Variants in GUCY2F observed in about 807,000 individuals in gnomAD.
GUCY2F encodes retinal guanylyl cyclase 2.
In GUCY2F, 61 loss-of-function variants were observed where a neutral mutation model predicts 73.1. The observed-to-expected ratio is 0.83, with a 90% CI of 0.68 to 1.03. The LOEUF is 1.03. Ranked by LOEUF, GUCY2F falls within the 50% of genes least tolerant of loss-of-function variation. The probability of loss-of-function intolerance (pLI) is 0.00; values close to 1 mark genes in which losing one functional copy is unlikely to be tolerated. For synonymous variants in GUCY2F, 331 were observed against 307.8 expected (o/e 1.08, Z -0.79); for missense variants, 912 against 854.3 (o/e 1.07, Z -0.84).
chrX:109,379,975 C>A (rs1164653816), intron 17 of GUCY2F, among the ~76,000 whole-genome samples: 1 of 111,778 alleles, frequency 8.9e-6, no homozygotes, highest in Non-Finnish European at 1.9e-5. Context: ...ACTCAACTGC[C>A]CTATGTTCTC....
At chrX:109,393,947 A>G (rs1369543162) in intron 12 of GUCY2F, among the ~76,000 whole-genome samples, 2 of 112,157 alleles carry the variant, frequency 1.8e-5, no homozygotes, top group Admixed American at 9.4e-5. Flanking sequence ...CTAGCACCCA[A>G]TGCCCCAAGG....
At chrX:109,441,738 G>A (rs770141756) in intron 6 of GUCY2F, among the ~76,000 whole-genome samples, 1 of 108,968 alleles carries the variant, frequency 9.2e-6, no homozygotes, top group Non-Finnish European at 1.9e-5. Context: ...ATACAGATGG[G>A]GGCAAGAAAG....
At chrX:109,404,131 G>A (rs757703450) in intron 10 of GUCY2F, among the ~76,000 whole-genome samples, 197 bp downstream of exon 10, 1 of 112,389 alleles carries the variant, frequency 8.9e-6, no homozygotes, top group Admixed American at 9.4e-5. Context: ...TTATTACACT[G>A]GCTTTGTTCA....
intron 7 of GUCY2F, among the ~76,000 whole-genome samples, chrX:109,435,554 A>G (rs1477631199): frequency 1.8e-5 from 2 of 110,615 alleles, no homozygotes; most frequent in Non-Finnish European, 3.8e-5. Context: ...TTCTAGATAT[A>G]CAATCATGCC....
intron 8 of GUCY2F, among the ~76,000 whole-genome samples, chrX:109,421,984 C>T (rs1931381342): frequency 9.0e-6 from 1 of 111,553 alleles, no homozygotes; most frequent in Non-Finnish European, 1.9e-5. Flanking sequence ...AGGCACAAGA[C>T]ACTGTATCAT....
intron 3 of GUCY2F, among the ~76,000 whole-genome samples, chrX:109,461,978 T>C (rs749792131): frequency 1.8e-5 from 2 of 112,596 alleles, no homozygotes; most frequent in African/African-American, 6.5e-5. Context: ...ATGCCATTTA[T>C]AATTTTGAAA....
chrX:109,455,574 T>C lies in GUCY2F; in HGVS notation c.1033-1715A>G, dbSNP rs377091686. On this transcript the variant is annotated intron_variant, in intron 3 of 19. Transcript: ENST00000218006. ...TCTGAACTCCTGTGAAAATTCCTAA[T>C]ACTTGGTATAGTTCAGGGACAAAAT... Among the ~76,000 whole-genome samples the C allele has an allele frequency of 9.0e-5, 10 of 111,578 alleles. No individual in the cohort carries two copies. The East Asian group carries it at 2.3e-3, about 25-fold the overall frequency.
chrX:109,434,450 C>T (rs924578960), intron 7 of GUCY2F, among the ~76,000 whole-genome samples: 2 of 109,130 alleles, frequency 1.8e-5, no homozygotes, highest in East Asian at 2.9e-4. Context: ...CGTAGTACAA[C>T]GTGATGGCAT....
At chrX:109,417,130 G>A (rs1361834134) in intron 8 of GUCY2F, among the ~76,000 whole-genome samples, 1 of 111,115 alleles carries the variant, frequency 9.0e-6, no homozygotes, top group Non-Finnish European at 1.9e-5. Flanking sequence ...TCAGGTTGAA[G>A]AGAAAAGATG....
chrX:109,432,393 C>T (rs1424770032), intron 7 of GUCY2F, among the ~76,000 whole-genome samples: 1 of 111,731 alleles, frequency 9.0e-6, no homozygotes, highest in Non-Finnish European at 1.9e-5. Context: ...GAACTTTGTC[C>T]TTTAGCGGGA....
Position 109,475,994 on chromosome X carries a change from C to A in GUCY2F, c.-58G>T. The A allele has an allele frequency of 9.5e-7, 1 of 1,052,085 alleles. No individual in the cohort carries two copies. Among genetic ancestry groups the A allele is most frequent in the Non-Finnish European group, 1.3e-6 (1 of 785,121 alleles). The allele number at this position is 1,052,085 out of a possible 1,213,427, so 86.7% of individuals were successfully genotyped here. A position where few individuals can be genotyped will look rare whatever the true frequency, so the allele number is the denominator to read the frequency against. On this transcript the variant is annotated 5_prime_UTR_variant, in exon 2 of 20. Coordinates refer to ENST00000218006, the MANE Select transcript of GUCY2F (RefSeq NM_001522.3). ...ATACTGGAGAGTTATTCTGCTTTCC[C>A]GACACAGACGGTGGTGTTTCCAAAT...
At chrX:109,446,761 C>G (rs1305926731) in intron 6 of GUCY2F, among the ~76,000 whole-genome samples, 1 of 111,733 alleles carries the variant, frequency 8.9e-6, no homozygotes, top group Non-Finnish European at 1.9e-5. Context: ...CAACAAAAGC[C>G]AAAATACACA....
At chrX:109,437,233 T>G (rs1931772912) in intron 7 of GUCY2F, among the ~76,000 whole-genome samples, 1 of 111,639 alleles carries the variant, frequency 9.0e-6, no homozygotes, top group Non-Finnish European at 1.9e-5. Context: ...AGCCTAATAT[T>G]GACTTCACCG....
At chrX:109,378,399 G>T (rs1315270538) in intron 17 of GUCY2F, among the ~76,000 whole-genome samples, 1 of 111,536 alleles carries the variant, frequency 9.0e-6, no homozygotes, top group African/African-American at 3.3e-5. Context: ...TGGGAAATTT[G>T]AAGCTTGTGA....
rs768419208 is a variant in GUCY2F, at chrX:109,475,787, T to G, written c.150A>C (p.Thr50=). The G allele has an allele frequency of 8.3e-7, 1 of 1,209,621 alleles. No homozygotes were observed. The highest frequency in any genetic ancestry group is 1.1e-6 in the Non-Finnish European group (1 of 894,490). ...CCACCACCCCTATCTTGTAGGGGAG[T>G]GTCCACACCTGCTGCGGAAGGGACA... ...SVMSLPQQVW[T]LPYKIGVVGP... is the part of the protein sequence containing the mutation. Residue 50 remains threonine, a synonymous_variant, in exon 2 of 20, where the codon ACA becomes ACC. Coordinates refer to ENST00000218006, the MANE Select transcript of GUCY2F (RefSeq NM_001522.3).
At chrX:109,414,686 T>C (rs998678648) in intron 8 of GUCY2F, among the ~76,000 whole-genome samples, 2 of 112,076 alleles carry the variant, frequency 1.8e-5, no homozygotes, top group Non-Finnish European at 3.8e-5. Flanking sequence ...TATGTATAAT[T>C]GGGGCTTTGA....
intron 8 of GUCY2F, among the ~76,000 whole-genome samples, chrX:109,410,162 C>T (rs1042169755): frequency 9.8e-5 from 11 of 111,985 alleles, no homozygotes; most frequent in African/African-American, 3.3e-4. Flanking sequence ...TGATGTTTTA[C>T]GCCACTAAGT....
chrX:109,450,930 C>A (rs976090444), intron 5 of GUCY2F, among the ~76,000 whole-genome samples: 3 of 111,250 alleles, frequency 2.7e-5, no homozygotes, highest in African/African-American at 9.8e-5. Context: ...AAAATTCCGG[C>A]CAAGAAAGGT....
intron 19 of GUCY2F, among the ~76,000 whole-genome samples, chrX:109,375,568 G>A (rs1930157793): frequency 8.9e-6 from 1 of 112,160 alleles, no homozygotes; most frequent in Admixed American, 9.4e-5. Context: ...CTCACCATGT[G>A]GCCCAGGTGC....
Sources: allele counts gnomAD v4.1 joint callset (sites outside exome capture counted in the v4.1 genomes callset), GRCh38; gene constraint gnomAD v4.1.1; transcripts MANE v1.5; gene names NCBI Gene and HGNC (gene_info 2026-07-23, HGNC 2026-07-21).